Variants in ACOT2 observed in about 807,000 individuals in gnomAD.
ACOT2 encodes acyl-coenzyme A thioesterase 2, mitochondrial.
ACOT2 carries 15 observed loss-of-function variants against 20.1 expected under a neutral mutation model. The ratio of observed to expected loss-of-function variants is 0.75; its 90% CI spans 0.50 to 1.15. The LOEUF (loss-of-function observed/expected upper bound fraction) is 1.15, where lower values mean the gene tolerates loss of function less well. Among genes scored for constraint, ACOT2 ranks in the 50% most tolerant of loss-of-function variants. The pLI, the probability that ACOT2 is intolerant of heterozygous loss-of-function variation, is 0.00. For missense variants in ACOT2, 479 were observed against 615.3 expected, an observed-to-expected ratio of 0.78 and a Z score of 2.34; for synonymous variants, 252 against 268.4, an observed-to-expected ratio of 0.94 and a Z score of 0.60.
chr14:73,575,064 C>T lies in ACOT2; in HGVS notation c.1003C>T (p.Pro335Ser), dbSNP rs749991615. 3.3e-6 allele frequency: 5 copies of T among 1,521,984 alleles called. No homozygotes were observed. In the East Asian group the frequency reaches 1.2e-4, roughly 35 times the overall value. The allele number at this position is 1,521,984 out of a possible 1,614,324, so 94.3% of individuals were successfully genotyped here. The change falls in exon 3 of 3, where the codon CCC (proline) becomes TCC (serine). Residue 335 changes from proline to serine, a missense_variant. By Grantham distance (74) the Pro-to-Ser change is moderately conservative. Coordinates refer to ENST00000238651, the MANE Select transcript of ACOT2 (RefSeq NM_006821.6). ...CTTACACTACAAGGGCGAGACCCTG[C>T]CCCCTGTGGGCGTCAACAGAAATCG... ...GTLHYKGETL[P>S]PVGVNRNRIK...
chr14:73,567,878 C>T (rs1184402854), upstream of ACOT2: 1 of 151,980 alleles, frequency 6.6e-6, no homozygotes. Context: ...CGGTGAGAAG[C>T]GAGACCATGA....
At position 73,569,334 on chromosome 14, in the gene ACOT2, C is replaced by G; in HGVS notation, c.94C>G (p.Arg32Gly). The G allele has an allele frequency of 1.2e-6, 2 of 1,613,976 alleles. No homozygotes were observed. Among genetic ancestry groups the G allele is most frequent in the Non-Finnish European group, 8.5e-7 (1 of 1,179,796 alleles). Residue 32 changes from arginine to glycine, a missense_variant, in exon 1 of 3, where the codon CGG becomes GGG. Coordinates refer to ENST00000238651, the MANE Select transcript of ACOT2 (RefSeq NM_006821.6). ...ASSPAVLRAS[R>G]LYQWSLKSSA... Reference sequence around the variant, plus strand: ...ATCTCCTGCTGTCCTTCGAGCGTCCCGGCTGTACCAATGGAGCCTGAAGAG... The same window carrying G: ...ATCTCCTGCTGTCCTTCGAGCGTCCGGGCTGTACCAATGGAGCCTGAAGAG...
In ACOT2 at chr14:73,572,639, A is replaced by AT. The variant is rs10565980; in HGVS notation, c.644-723dup. ...AAAGTGTTGCCTGTAAGGTGTTTGC[A>AT]TTTTTTTTTTTTTTTTTTTTTTTTT... On this transcript the variant is annotated intron_variant, in intron 1 of 2. Transcript: ENST00000238651. Among the ~76,000 whole-genome samples, 864 of 107,164 alleles carry AT rather than the reference A, an allele frequency of 8.1e-3. 26 individuals are homozygous for AT. The highest frequency in any genetic ancestry group is 0.027 in the South Asian group (82 of 3,068). The allele number at this position is 107,164 out of a possible 152,430, so 70.3% of individuals were successfully genotyped here.
In ACOT2 at chr14:73,569,580, T is replaced by C. The variant is rs1244658533; in HGVS notation, c.340T>C (p.Tyr114His). 1 of 1,600,436 alleles carries C rather than the reference T, an allele frequency of 6.2e-7. No individual in the cohort carries two copies. Among genetic ancestry groups the C allele is most frequent in the Admixed American group, 1.7e-5 (1 of 58,730 alleles). ...CGCGCTTTTCCAGGCCCACGCGCGCTACCGCGCCGACACTCTTGGCGAGCT... is the reference window on the plus strand; with the variant it reads ...CGCGCTTTTCCAGGCCCACGCGCGCCACCGCGCCGACACTCTTGGCGAGCT... ...KGALFQAHAR[Y>H]RADTLGELDL... The change falls in exon 1 of 3, where the codon TAC (tyrosine) becomes CAC (histidine). Residue 114 changes from tyrosine (Y) to histidine (H), a missense_variant. Tyr to His is a moderately conservative substitution (Grantham distance 83). This residue lies in a region of ACOT2 where 400 missense variants were observed against 395.5 expected (regional missense o/e 1.01). Transcript: ENST00000238651.
At chr14:73,568,356 A>T (rs1409047163), upstream of ACOT2, among the ~76,000 whole-genome samples, 1 of 151,772 alleles carries the variant, frequency 6.6e-6, no homozygotes, top group Non-Finnish European at 1.5e-5. Flanking sequence ...AGTGATGAAA[A>T]AAAAAAACAC....
At chr14:73,568,607 A>C (rs1457248716), upstream of ACOT2, among the ~76,000 whole-genome samples, 1 of 151,766 alleles carries the variant, frequency 6.6e-6, no homozygotes, top group African/African-American at 2.4e-5. Flanking sequence ...ACAATAATTG[A>C]GAAACCAGTA....
intron 2 of ACOT2, among the ~76,000 whole-genome samples, chr14:73,573,967 T>C (rs567359734): frequency 6.2e-4 from 95 of 152,094 alleles, no homozygotes; most frequent in African/African-American, 2.1e-3. Flanking sequence ...CCTCAAATGA[T>C]CCACCTGCTT....
intron 1 of ACOT2, among the ~76,000 whole-genome samples, chr14:73,570,726 G>A (rs1044224281): frequency 5.3e-5 from 8 of 151,776 alleles, no homozygotes; most frequent in African/African-American, 1.9e-4. Flanking sequence ...CCAACATGGT[G>A]AAACCCCATC....
chr14:73,575,646 T>C lies in ACOT2; in HGVS notation c.*133T>C, dbSNP rs1204442835. ...TTTTCCCCTCATTATTAAAATGAAT[T>C]TACCAGTAAGAATGAGTTTTTAAGA... On this transcript the variant is annotated 3_prime_UTR_variant, in exon 3 of 3. Coordinates refer to ENST00000238651, the MANE Select transcript of ACOT2 (RefSeq NM_006821.6). The C allele has an allele frequency of 1.3e-6, 2 of 1,502,816 alleles. No homozygotes were observed. The highest frequency in any genetic ancestry group is 2.8e-5 in the African/African-American group (2 of 70,758). The allele number at this position is 1,502,816 out of a possible 1,614,324, so 93.1% of individuals were successfully genotyped here.
In ACOT2 at chr14:73,569,606, G is replaced by A. The variant is rs754574776; in HGVS notation, c.366G>A (p.Leu122=). 3 of 1,600,796 alleles carry A rather than the reference G, an allele frequency of 1.9e-6. No individual in the cohort carries two copies. The African/African-American group carries it at 4.0e-5, about 22-fold the overall frequency. ...ARYRADTLGE[L]DLERAPALGG... Reference sequence around the variant, plus strand: ...ACCGCGCCGACACTCTTGGCGAGCTGGACCTGGAGCGCGCGCCCGCGCTGG... The same window carrying A: ...ACCGCGCCGACACTCTTGGCGAGCTAGACCTGGAGCGCGCGCCCGCGCTGG... The change falls in exon 1 of 3, where the codon CTG becomes CTA. Residue 122 remains leucine, a synonymous_variant. Coordinates refer to ENST00000238651, the MANE Select transcript of ACOT2 (RefSeq NM_006821.6).
chr14:73,568,805 C>A (rs1172109506), upstream of ACOT2, among the ~76,000 whole-genome samples: 1 of 151,982 alleles, frequency 6.6e-6, no homozygotes, highest in Non-Finnish European at 1.5e-5. Flanking sequence ...GAAGCCAGCA[C>A]CCTTCGATGT....
intron 1 of ACOT2, 61 bp downstream of exon 1, chr14:73,569,944 G>A (rs1420117935): frequency 2.0e-6 from 3 of 1,531,362 alleles, no homozygotes; most frequent in Non-Finnish European, 2.6e-6. Context: ...TGTCTCCCCC[G>A]CCCCACGCTT....
intron 1 of ACOT2, among the ~76,000 whole-genome samples, chr14:73,572,350 AAAAG>A (rs1413594937): frequency 2.0e-5 from 3 of 152,020 alleles, no homozygotes; most frequent in Non-Finnish European, 2.9e-5. Flanking sequence ...AAAAGAAAAA[AAAAG>A]AATCAACATG....
Position 73,569,350 on chromosome 14 carries a change from GC to G in ACOT2, c.112del (p.Leu38Ter). ...CGAGCGTCCCGGCTGTACCAATGGA[GC>G]CTGAAGAGTTCGGCGCAGTTCCTGG... ...VLRASRLYQW[S>X]LKSSAQFLGS... On this transcript the variant is annotated frameshift_variant, in exon 1 of 3. Coordinates refer to ENST00000238651, the MANE Select transcript of ACOT2 (RefSeq NM_006821.6). LOFTEE classifies it high-confidence loss of function. The G allele has an allele frequency of 6.2e-7, 1 of 1,614,014 alleles. No homozygotes were observed. Among genetic ancestry groups the G allele is most frequent in the Non-Finnish European group, 8.5e-7 (1 of 1,179,818 alleles).
chr14:73,568,266 C>T (rs537512709), upstream of ACOT2: 2 of 151,772 alleles, frequency 1.3e-5, no homozygotes, highest in Non-Finnish European at 2.9e-5. Context: ...TTGAAGCCTA[C>T]ACATTTATAG....
chr14:73,569,870 C>T lies in ACOT2; in HGVS notation c.630C>T (p.Leu210=), dbSNP rs1364688335. 6 of 1,604,590 alleles carry T rather than the reference C, an allele frequency of 3.7e-6. 1 individual carries two copies. The highest frequency in any genetic ancestry group is 1.3e-5 in the African/African-American group (1 of 74,738). ...PVRVGRVRGT[L]FLPPEPGPFP... ...GCGTGGGCCGGGTGCGAGGCACGCT[C>T]TTCCTGCCGCCAGGTGACTCACCTC... The change falls in exon 1 of 3, where the codon CTC becomes CTT. Residue 210 remains leucine (L), a synonymous_variant. Transcript: ENST00000238651.
chr14:73,567,808 C>T (rs1889632465), upstream of ACOT2: 1 of 152,042 alleles, frequency 6.6e-6, no homozygotes, highest in South Asian at 2.1e-4. Flanking sequence ...CAACTCTGGA[C>T]CTGCTGCCTT....
intron 1 of ACOT2, among the ~76,000 whole-genome samples, chr14:73,570,903 TA>T (rs56094300): frequency 0.39 from 54,139 of 137,286 alleles, 10,631 homozygotes; most frequent in Middle Eastern, 0.44. Flanking sequence ...GACTCTATCT[TA>T]AAAAAAAAAA....
chr14:73,574,499 A>C (rs1377538904), intron 2 of ACOT2: 2 of 338,380 alleles, frequency 5.9e-6, no homozygotes, highest in Non-Finnish European at 1.1e-5. Context: ...CTGACCTCAA[A>C]TGATCCACCC....
Sources: allele counts gnomAD v4.1 joint callset (sites outside exome capture counted in the v4.1 genomes callset), GRCh38; gene constraint gnomAD v4.1.1; regional missense constraint gnomAD v4.1.1; transcripts MANE v1.5; gene names NCBI Gene and HGNC (gene_info 2026-07-23, HGNC 2026-07-21).